The following VEPH1 variants were observed in gnomAD, a reference collection of about 807,000 sequenced individuals.
VEPH1 encodes the protein ventricular zone-expressed PH domain-containing protein homolog 1.
In VEPH1, 80 loss-of-function variants were observed where a neutral mutation model predicts 85.2. The observed-to-expected ratio is 0.94, with a 90% CI of 0.78 to 1.13. VEPH1 has a LOEUF of 1.13. Ranked by LOEUF, VEPH1 falls within the 50% of genes most tolerant of loss-of-function variation. VEPH1 has a pLI of 0.00. For synonymous variants in VEPH1, 297 were observed against 348.0 expected (o/e 0.85, Z 1.63); for missense variants, 955 against 980.5 (o/e 0.97, Z 0.35).
intron 9 of VEPH1, among the ~76,000 whole-genome samples, chr3:157,332,150 G>T (rs1295707942): frequency 6.6e-6 from 1 of 152,172 alleles, no homozygotes; most frequent in African/African-American, 2.4e-5. Context: ...GTGTTTATTT[G>T]TGGAGGATAT....
At chr3:157,334,767 T>C (rs1300142151) in intron 9 of VEPH1, among the ~76,000 whole-genome samples, 4 of 152,168 alleles carry the variant, frequency 2.6e-5, no homozygotes, top group Admixed American at 6.5e-5. Context: ...AGGCTAGCCC[T>C]GATGAATGCT....
chr3:157,295,958 A>AAT (rs1176625468), intron 11 of VEPH1, among the ~76,000 whole-genome samples: 2 of 151,212 alleles, frequency 1.3e-5, no homozygotes, highest in African/African-American at 4.9e-5. Context: ...CCATCTCAAA[A>AAT]AAAAATAAAT....
At chr3:157,488,507 C>CTTTTT (rs1197141390) in intron 2 of VEPH1, among the ~76,000 whole-genome samples, 9 of 131,794 alleles carry the variant, frequency 6.8e-5, no homozygotes, top group Admixed American at 1.6e-4. Flanking sequence ...TTCTTTCTTT[C>CTTTTT]TTTTTTTTTT....
intron 4 of VEPH1, chr3:157,438,037 G>GCGCACACA (rs1553786688): frequency 1.5e-3 from 799 of 515,962 alleles, no homozygotes; most frequent in South Asian, 0.015. Context: ...GCGCGCGCGC[G>GCGCACACA]CACACACACA....
At chr3:157,452,181 C>T (rs965939503) in intron 4 of VEPH1, among the ~76,000 whole-genome samples, 2 of 152,094 alleles carry the variant, frequency 1.3e-5, no homozygotes, top group African/African-American at 4.8e-5. Context: ...AATCAGAGCA[C>T]ATGCAGGGGA....
intron 4 of VEPH1, among the ~76,000 whole-genome samples, chr3:157,430,538 CTT>C (rs10575549): frequency 0.44 from 67,541 of 151,912 alleles, 15,838 homozygotes; most frequent in Admixed American, 0.58. Flanking sequence ...ATAACTGTCT[CTT>C]TGTGCAAAAA....
rs1175132059 is a variant in VEPH1 at position 157,317,155 on chromosome 3, C to T, written c.1782G>A (p.Leu594=). The T allele has an allele frequency of 6.2e-7, 1 of 1,613,002 alleles. No individual in the cohort carries two copies. The highest frequency in any genetic ancestry group is 1.1e-5 in the South Asian group (1 of 90,902). Residue 594 remains leucine, a synonymous_variant, in exon 10 of 14, where the codon CTG becomes CTA. Transcript: ENST00000362010. ...CVAKLFFTCS[L]KGHYCLYSKS... ...TACTGTATAGGCAGTAATGACCCTTCAGGGAGCAGGTGAAGAACAACTTTG... is the reference window on the plus strand; with the variant it reads ...TACTGTATAGGCAGTAATGACCCTTTAGGGAGCAGGTGAAGAACAACTTTG...
At chr3:157,303,693 T>C (rs748698642) in intron 11 of VEPH1, among the ~76,000 whole-genome samples, 3 of 152,184 alleles carry the variant, frequency 2.0e-5, no homozygotes, top group Non-Finnish European at 4.4e-5. Context: ...GCAGTCTTCA[T>C]TTAGTTTTCC....
intron 5 of VEPH1, among the ~76,000 whole-genome samples, chr3:157,419,390 A>G (rs1577609634): frequency 6.6e-6 from 1 of 152,242 alleles, no homozygotes; most frequent in African/African-American, 2.4e-5. Flanking sequence ...CATATAATCT[A>G]CAGAATGGGA....
At position 157,265,575 on chromosome 3, in the gene VEPH1, CG is replaced by C. The variant is rs1559907800; in HGVS notation, c.2215del (p.Arg739AlafsTer26). On this transcript the variant is annotated frameshift_variant, in exon 13 of 14. Coordinates refer to ENST00000362010, the MANE Select transcript of VEPH1 (RefSeq NM_001167912.2). LOFTEE classifies it high-confidence loss of function. ...RWKFIKRWKT[R>X]YFTLAGNQLL... ...TTGATTTCCAGCCAGTGTAAAATAG[CG>C]TGTTTTCCACCTTTTGATGAACTTC... The C allele has an allele frequency of 6.2e-7, 1 of 1,613,432 alleles. No individual in the cohort carries two copies. The highest frequency in any genetic ancestry group is 1.7e-4 in the Middle Eastern group (1 of 6,056).
chr3:157,435,096 A>G (rs571385822), intron 4 of VEPH1, among the ~76,000 whole-genome samples: 9 of 151,152 alleles, frequency 6.0e-5, no homozygotes, highest in Non-Finnish European at 1.2e-4. Context: ...TAGAAGTTTT[A>G]TTTGGTTCTT....
intron 12 of VEPH1, among the ~76,000 whole-genome samples, chr3:157,282,015 G>A (rs539392148): frequency 6.6e-5 from 10 of 152,136 alleles, no homozygotes; most frequent in Admixed American, 2.6e-4. Context: ...AATCTAGCTC[G>A]CATGAAGGGT....
At chr3:157,261,549 G>A (rs1424404677) in intron 13 of VEPH1, among the ~76,000 whole-genome samples, 179 bp from the exon 14 acceptor site, 2 of 152,142 alleles carry the variant, frequency 1.3e-5, no homozygotes, top group East Asian at 3.9e-4. Flanking sequence ...TGAGCAATTG[G>A]GCCTTTGTTA....
chr3:157,303,220 G>A (rs568920139), intron 11 of VEPH1, among the ~76,000 whole-genome samples: 58 of 152,202 alleles, frequency 3.8e-4, no homozygotes, highest in African/African-American at 1.3e-3. Flanking sequence ...AGGAAAACTT[G>A]TCTGACATCT....
intron 6 of VEPH1, among the ~76,000 whole-genome samples, chr3:157,394,099 T>C (rs1730143733): frequency 6.6e-6 from 1 of 152,206 alleles, no homozygotes; most frequent in African/African-American, 2.4e-5. Context: ...TTATCCGGCA[T>C]TTGGGTTTCA....
intron 4 of VEPH1, chr3:157,438,034 C>A (rs2109198846): frequency 2.6e-6 from 2 of 772,824 alleles, no homozygotes; most frequent in Middle Eastern, 3.7e-4. Flanking sequence ...CGCGCGCGCG[C>A]GCGCACACAC....
intron 4 of VEPH1, among the ~76,000 whole-genome samples, chr3:157,449,329 G>A (rs937842289): frequency 6.6e-6 from 1 of 152,076 alleles, no homozygotes; most frequent in Non-Finnish European, 1.5e-5. Flanking sequence ...CTAAAGAAGA[G>A]ACTTAGATTT....
At chr3:157,299,328 G>A (rs976501245) in intron 11 of VEPH1, among the ~76,000 whole-genome samples, 1 of 151,968 alleles carries the variant, frequency 6.6e-6, no homozygotes, top group African/African-American at 2.4e-5. Context: ...GGCAGCTGAG[G>A]TGGGTGGATC....
At chr3:157,349,770 A>G (rs1428055112) in intron 9 of VEPH1, among the ~76,000 whole-genome samples, 4 of 152,206 alleles carry the variant, frequency 2.6e-5, no homozygotes, top group Admixed American at 2.6e-4. Flanking sequence ...TGCAATGTAC[A>G]ATAGCTATTA....
Sources: gnomAD v4.1 joint callset for allele counts (sites outside exome capture counted in the v4.1 genomes callset) on GRCh38, gnomAD v4.1.1 for gene constraint, MANE v1.5 for transcripts, NCBI Gene and HGNC (gene_info 2026-07-23, HGNC 2026-07-21) for gene names.